Variants in C16orf96 observed in about 807,000 individuals in gnomAD.
C16orf96 encodes the protein chromosome 16 open reading frame 96.
In C16orf96, 108 loss-of-function variants were observed where a neutral mutation model predicts 103.6. That is an observed-to-expected ratio of 1.04 (90% CI 0.89 to 1.22). The LOEUF is 1.22. C16orf96 is among the 50% of genes most tolerant of loss of function. The pLI is 0.00. For synonymous variants in C16orf96, 566 were observed against 593.5 expected (o/e 0.95, Z 0.67); for missense variants, 1,586 against 1,464.2 (o/e 1.08, Z -1.36).
At chr16:4,598,173 G>A (rs1897213032) in intron 14 of C16orf96, among the ~76,000 whole-genome samples, 1 of 151,930 alleles carries the variant, frequency 6.6e-6, no homozygotes, top group Admixed American at 6.6e-5. Context: ...GCAACATCGT[G>A]AAACCCCGCC....
intron 14 of C16orf96, among the ~76,000 whole-genome samples, chr16:4,596,506 C>T (rs1488552026): frequency 2.1e-5 from 3 of 142,554 alleles, no homozygotes; most frequent in Non-Finnish European, 4.6e-5. Context: ...AAAAAAACAG[C>T]TGAAGTTCCA....
At chr16:4,586,237 G>T (rs142062129) in intron 7 of C16orf96, among the ~76,000 whole-genome samples, 1 of 152,178 alleles carries the variant, frequency 6.6e-6, no homozygotes, top group Non-Finnish European at 1.5e-5. Flanking sequence ...TCCAGCCTGG[G>T]CGACAGAGCA....
At chr16:4,552,635 T>G (rs750288077), upstream of C16orf96, among the ~76,000 whole-genome samples, 8 of 152,184 alleles carry the variant, frequency 5.3e-5, no homozygotes, top group Non-Finnish European at 8.8e-5. Flanking sequence ...AGTAGTGCTG[T>G]CACAAACATC....
At position 4,576,622 on chromosome 16, in the gene C16orf96, C is replaced by T. The variant is rs1193092614; in HGVS notation, c.2142C>T (p.Arg714=). The change falls in exon 5 of 16, where the codon CGC becomes CGT. Residue 714 remains arginine, a synonymous_variant. Transcript: ENST00000444310. The part of the protein sequence containing the change: ...FAQLSCNLNQ[R]LSYLANMGGP... ...AGCTGTCCTGTAACCTGAACCAGCG[C>T]TTGAGTTATCTAGGTAGGCCTGGTC... The T allele has an allele frequency of 1.3e-6, 2 of 1,550,842 alleles. No homozygotes were observed. Among genetic ancestry groups the T allele is most frequent in the South Asian group, 2.4e-5 (2 of 83,906 alleles).
intron 7 of C16orf96, among the ~76,000 whole-genome samples, chr16:4,582,974 G>A (rs1038826264): frequency 8.5e-5 from 13 of 152,050 alleles, no homozygotes; most frequent in Non-Finnish European, 1.9e-4. Flanking sequence ...GGTGGCTCAC[G>A]CCTGTAATCC....
intron 14 of C16orf96, among the ~76,000 whole-genome samples, chr16:4,595,934 G>T (rs1257127485): frequency 6.6e-6 from 1 of 151,926 alleles, no homozygotes; most frequent in Non-Finnish European, 1.5e-5. Context: ...TGATCCACCT[G>T]CCTCAGCCTC....
At position 4,593,995 on chromosome 16, in the gene C16orf96, G is replaced by A. The variant is rs902600894; in HGVS notation, c.2868-356G>A. ...CGTCTGGCCAGGTGGGGGAAGAACC[G>A]GTGAATCGTCACCACAGCCGTGGGA... is the stretch of plus-strand genomic sequence containing the variant. On this transcript the variant is annotated intron_variant, in intron 12 of 15. Coordinates refer to ENST00000444310, the MANE Select transcript of C16orf96 (RefSeq NM_001145011.2). This position sits in a 1 kb window ranked among gnomAD's most constrained non-coding sequence, Gnocchi z 4.2. Among the ~76,000 whole-genome samples the A allele has an allele frequency of 2.0e-5, 3 of 152,258 alleles. No individual in the cohort carries two copies. Among genetic ancestry groups the A allele is most frequent in the Non-Finnish European group, 4.4e-5 (3 of 68,012 alleles).
the C16orf96 span, among the ~76,000 whole-genome samples, chr16:4,539,887 G>A: frequency 6.6e-6 from 1 of 152,010 alleles, no homozygotes; most frequent in Non-Finnish European, 1.5e-5. Flanking sequence ...ACCAGTTCTT[G>A]CATCCTTCAA....
In C16orf96 at chr16:4,592,294, G is replaced by A. The variant is rs998679975; in HGVS notation, c.2712-11G>A. 1.9e-6 allele frequency: 3 copies of A among 1,551,462 alleles called. No individual in the cohort carries two copies. Among genetic ancestry groups the A allele is most frequent in the African/African-American group, 2.7e-5 (2 of 73,062 alleles). ...AGCAGGGGCAGCGGCTGATGATCATGTGCCTTTCAGGAAGCTGTTCAAGCG... is the reference window on the plus strand; with the variant it reads ...AGCAGGGGCAGCGGCTGATGATCATATGCCTTTCAGGAAGCTGTTCAAGCG... On this transcript the variant is annotated splice_polypyrimidine_tract_variant and intron_variant, in intron 10 of 15. Coordinates refer to ENST00000444310, the MANE Select transcript of C16orf96 (RefSeq NM_001145011.2).
intron 1 of C16orf96, chr16:4,562,889 A>T: frequency 7.1e-7 from 1 of 1,406,582 alleles, no homozygotes. Context: ...TTAAAGAAAT[A>T]CCTTTTCTTC....
At position 4,593,326 on chromosome 16, in the gene C16orf96, A is replaced by G. The variant is rs747801987; in HGVS notation, c.2867+10A>G. 1,049 of 1,549,768 alleles carry G rather than the reference A, an allele frequency of 6.8e-4. No individual in the cohort carries two copies. Among genetic ancestry groups the G allele is most frequent in the Non-Finnish European group, 8.4e-4 (959 of 1,146,516 alleles). On this transcript the variant is annotated intron_variant, in intron 12 of 15. Transcript: ENST00000444310. This position sits in a 1 kb window ranked among gnomAD's most constrained non-coding sequence, Gnocchi z 4.2. Reference sequence around the variant, plus strand: ...AGCGGCAACAGATGAGGTGAGCAGGATGGGCGCCCCGCAGGGAGGCCGCCC... The same window carrying G: ...AGCGGCAACAGATGAGGTGAGCAGGGTGGGCGCCCCGCAGGGAGGCCGCCC...
Position 4,575,348 on chromosome 16 carries a change from C to T in C16orf96, c.868C>T (p.Pro290Ser). The T allele has an allele frequency of 6.4e-7, 1 of 1,551,254 alleles. No homozygotes were observed. Among genetic ancestry groups the T allele is most frequent in the Non-Finnish European group, 8.7e-7 (1 of 1,147,004 alleles). The change falls in exon 5 of 16, where the codon CCG becomes TCG. Residue 290 changes from proline to serine, a missense_variant. Coordinates refer to ENST00000444310, the MANE Select transcript of C16orf96 (RefSeq NM_001145011.2). ...VWHYEVPELL[P>S]EGSSAQAVSL... ...GCATTATGAGGTCCCAGAGCTCCTC[C>T]CGGAGGGCTCATCTGCCCAAGCAGT...
the C16orf96 span, among the ~76,000 whole-genome samples, chr16:4,544,565 C>T: frequency 2.6e-5 from 4 of 152,158 alleles, no homozygotes; most frequent in Admixed American, 2.0e-4. Context: ...CTGGTGATCA[C>T]GCTGCTGCAC....
At chr16:4,584,145 CTG>C (rs995122427) in intron 7 of C16orf96, among the ~76,000 whole-genome samples, 11 of 152,070 alleles carry the variant, frequency 7.2e-5, no homozygotes, top group African/African-American at 1.7e-4. Context: ...GATCTCATGA[CTG>C]TGTCTCTGTC....
intron 1 of C16orf96, among the ~76,000 whole-genome samples, chr16:4,569,626 G>C (rs2141708478): frequency 6.6e-6 from 1 of 151,742 alleles, no homozygotes; most frequent in Non-Finnish European, 1.5e-5. Context: ...CAGCTACTTG[G>C]GAGGCTGAGG....
At chr16:4,549,172 C>G in the C16orf96 span, among the ~76,000 whole-genome samples, 2 of 151,988 alleles carry the variant, frequency 1.3e-5, no homozygotes, top group Non-Finnish European at 2.9e-5. Flanking sequence ...GCAACCAGCA[C>G]CACATCAAAA....
chr16:4,571,670 G>A lies in C16orf96; in HGVS notation c.525+5G>A. The A allele has an allele frequency of 6.4e-7, 1 of 1,550,640 alleles. No homozygotes were observed. The highest frequency in any genetic ancestry group is 8.7e-7 in the Non-Finnish European group (1 of 1,146,196). ...CTGAAGAACATGCTTGACAAGGTAGGCCCTCCCCCAGCATCCTCCATGCCA... is the reference window on the plus strand; with the variant it reads ...CTGAAGAACATGCTTGACAAGGTAGACCCTCCCCCAGCATCCTCCATGCCA... On this transcript the variant is annotated splice_donor_5th_base_variant and intron_variant, in intron 2 of 15. Coordinates refer to ENST00000444310, the MANE Select transcript of C16orf96 (RefSeq NM_001145011.2).
intron 1 of C16orf96, among the ~76,000 whole-genome samples, chr16:4,558,345 GTGGCTCACACC>G (rs1282671961): frequency 6.6e-6 from 1 of 152,346 alleles, no homozygotes; most frequent in South Asian, 2.1e-4. Flanking sequence ...GCCGAGCACA[GTGGCTCACACC>G]TATAATCCCA....
chr16:4,562,913 A>G, intron 1 of C16orf96: 4 of 1,421,338 alleles, frequency 2.8e-6, no homozygotes, highest in Non-Finnish European at 3.9e-6. Context: ...GTTTCATTTC[A>G]CCTTCAGGAT....
Sources: gnomAD v4.1 joint callset for allele counts (sites outside exome capture counted in the v4.1 genomes callset) on GRCh38, gnomAD v4.1.1 for gene constraint, Gnocchi (gnomAD v3.1) non-coding constraint, MANE v1.5 for transcripts, NCBI Gene and HGNC (gene_info 2026-07-23, HGNC 2026-07-21) for gene names.